The following BTAF1 variants were observed in gnomAD, a reference collection of about 807,000 sequenced individuals.
BTAF1 encodes the protein TATA-binding protein-associated factor 172.
BTAF1 carries 38 observed loss-of-function variants against 227.1 expected under a neutral mutation model. The observed-to-expected ratio is 0.17, with a 90% CI of 0.13 to 0.22. BTAF1 has a LOEUF of 0.22. Among genes scored for constraint, BTAF1 ranks in the 10% least tolerant of loss-of-function variants. The probability of loss-of-function intolerance (pLI) is 1.00; values close to 1 mark genes in which losing one functional copy is unlikely to be tolerated. For missense variants in BTAF1, 1,598 were observed against 2,204.0 expected, an observed-to-expected ratio of 0.73 and a Z score of 5.51; for synonymous variants, 742 against 751.9, an observed-to-expected ratio of 0.99 and a Z score of 0.21.
At chr10:91,969,680 C>T (rs1337547913) in intron 14 of BTAF1, among the ~76,000 whole-genome samples, 5 of 152,074 alleles carry the variant, frequency 3.3e-5, no homozygotes, top group Admixed American at 6.6e-5. Flanking sequence ...AAATCCCCGT[C>T]GGGCCCAGCG....
At chr10:92,022,858 CTTGT>C (rs1216480314) in intron 34 of BTAF1, among the ~76,000 whole-genome samples, 2 of 152,104 alleles carry the variant, frequency 1.3e-5, no homozygotes, top group African/African-American at 2.4e-5. Context: ...ATCGATCAGA[CTTGT>C]TTATTTGGAG....
chr10:91,981,432 A>C (rs2133981968), intron 15 of BTAF1, among the ~76,000 whole-genome samples: 1 of 152,136 alleles, frequency 6.6e-6, no homozygotes, highest in South Asian at 2.1e-4. Flanking sequence ...TCTTTTTTTA[A>C]AAAAAAACTT....
At chr10:91,962,111 AATG>A (rs1213960652) in intron 11 of BTAF1, among the ~76,000 whole-genome samples, 2 of 152,192 alleles carry the variant, frequency 1.3e-5, no homozygotes, top group Non-Finnish European at 2.9e-5. Context: ...GTACAGTCAT[AATG>A]ATGTTTCAGT....
intron 3 of BTAF1, among the ~76,000 whole-genome samples, chr10:91,940,677 T>TTTATG (rs1255916904): frequency 1.3e-5 from 2 of 151,874 alleles, no homozygotes; most frequent in Non-Finnish European, 2.9e-5. Flanking sequence ...TTTTATTTTA[T>TTTATG]TTATTTTATT....
intron 10 of BTAF1, 29 bp from the exon 11 acceptor site, chr10:91,959,949 T>TA: frequency 6.2e-7 from 1 of 1,601,090 alleles, no homozygotes; most frequent in Non-Finnish European, 8.5e-7. Context: ...TTTTTGCAAA[T>TA]ATGAGTTTTC....
In BTAF1 at chr10:91,924,225, G is replaced by C. The variant is rs889171278; in HGVS notation, c.14+135G>C. 4 of 1,240,084 alleles carry C rather than the reference G, an allele frequency of 3.2e-6. No homozygotes were observed. In the African/African-American group the frequency reaches 6.3e-5, roughly 19 times the overall value. 76.8% of individuals were successfully genotyped at this position (1,240,084 alleles called of 1,614,324 possible). On this transcript the variant is annotated intron_variant, in intron 1 of 37. Transcript: ENST00000265990. ...GGAGCTTTCTTCAGTAGACTTCGGA[G>C]TTCGCCCCGTGGTCGGCGGGGGTTT...
intron 19 of BTAF1, among the ~76,000 whole-genome samples, chr10:91,987,299 T>C (rs2792024): frequency 0.59 from 89,626 of 151,448 alleles, 30,202 homozygotes; most frequent in East Asian, 0.77. Context: ...CTGGCTAACA[T>C]GGTGAAACCC....
At chr10:91,952,716 C>T (rs1845852853) in intron 5 of BTAF1, among the ~76,000 whole-genome samples, 2 of 151,700 alleles carry the variant, frequency 1.3e-5, no homozygotes, top group Admixed American at 6.6e-5. Context: ...GGTAGAAAGG[C>T]AGATACTAGG....
chr10:91,990,417 A>G (rs572721283), intron 20 of BTAF1, among the ~76,000 whole-genome samples: 14 of 151,530 alleles, frequency 9.2e-5, no homozygotes, highest in African/African-American at 3.4e-4. Context: ...TTTTTAATTC[A>G]TGGTGACTCT....
chr10:91,992,034 A>C (rs905216160), intron 20 of BTAF1, 85 bp from the exon 21 acceptor site: 1 of 1,179,080 alleles, frequency 8.5e-7, no homozygotes, highest in Non-Finnish European at 1.2e-6. Context: ...ACATAGTTTA[A>C]AAATGTTTTA....
At chr10:91,945,904 G>A (rs1459251829) in intron 4 of BTAF1, among the ~76,000 whole-genome samples, 2 of 152,166 alleles carry the variant, frequency 1.3e-5, no homozygotes, top group African/African-American at 2.4e-5. Flanking sequence ...TCTACCAACA[G>A]TACACAAGGG....
intron 18 of BTAF1, among the ~76,000 whole-genome samples, chr10:91,983,125 G>A (rs772498361): frequency 6.6e-6 from 1 of 152,192 alleles, no homozygotes; most frequent in Admixed American, 6.5e-5. Flanking sequence ...AAACTACAAA[G>A]GATGAGGCTT....
At chr10:91,961,076 A>G (rs1278391716) in intron 11 of BTAF1, among the ~76,000 whole-genome samples, 3 of 152,152 alleles carry the variant, frequency 2.0e-5, no homozygotes, top group Non-Finnish European at 2.9e-5. Context: ...CTGCTTCTCC[A>G]CCATAGATCT....
chr10:92,024,781 A>G lies in BTAF1; in HGVS notation c.4889A>G (p.Asn1630Ser), dbSNP rs762821785. The part of the protein sequence containing the change: ...KQLLLDCGLG[N>S]GSTSESGTES... ...TTGCTGTTGGACTGCGGTTTGGGAA[A>G]TGGCAGCACTTCCGAGAGTGGCACA... The change falls in exon 35 of 38, where the codon AAT becomes AGT. Residue 1630 changes from asparagine to serine, a missense_variant. This residue lies in a region of BTAF1 where 205 missense variants were observed against 244.5 expected (regional missense o/e 0.84). Transcript: ENST00000265990. The G allele has an allele frequency of 5.0e-6, 8 of 1,609,162 alleles. No homozygotes were observed. In the South Asian group the frequency reaches 6.6e-5, roughly 13 times the overall value.
At chr10:92,006,540 T>C (rs774074482) in intron 25 of BTAF1, among the ~76,000 whole-genome samples, 7 of 152,178 alleles carry the variant, frequency 4.6e-5, no homozygotes, top group Admixed American at 1.3e-4. Context: ...ATTTGGAAAA[T>C]ATTGGTTCAT....
intron 20 of BTAF1, among the ~76,000 whole-genome samples, chr10:91,991,797 G>GTGTGTGTATATATATATATA (rs1554860529): frequency 1.0e-4 from 1 of 9,990 alleles, no homozygotes; most frequent in African/African-American, 1.8e-4. Flanking sequence ...GTGTGTGTGT[G>GTGTGTGTATATATATATATA]TATATATATA....
chr10:91,937,332 C>A (rs1011022183), intron 2 of BTAF1, among the ~76,000 whole-genome samples: 14 of 152,072 alleles, frequency 9.2e-5, no homozygotes, highest in Non-Finnish European at 4.4e-5. Context: ...ATATAATTTA[C>A]ATACCATGAG....
intron 36 of BTAF1, 86 bp from the exon 37 acceptor site, chr10:92,027,044 A>G: frequency 7.3e-7 from 1 of 1,372,480 alleles, no homozygotes; most frequent in Non-Finnish European, 9.9e-7. Flanking sequence ...GTAGTATAAA[A>G]TAGTACAAGT....
chr10:92,025,057 A>G, intron 35 of BTAF1, 90 bp downstream of exon 35: 1 of 1,136,454 alleles, frequency 8.8e-7, no homozygotes, highest in South Asian at 1.5e-5. Context: ...TTGGCTAAAT[A>G]TCTGCAAATG....
Sources: gnomAD v4.1 joint callset for allele counts (sites outside exome capture counted in the v4.1 genomes callset) on GRCh38, gnomAD v4.1.1 for gene constraint, gnomAD v4.1.1 regional missense constraint, MANE v1.5 for transcripts, NCBI Gene and HGNC (gene_info 2026-07-23, HGNC 2026-07-21) for gene names.